The following STPG2 variants were observed in gnomAD, a reference collection of about 807,000 sequenced individuals.
STPG2 encodes the protein sperm tail PG-rich repeat containing 2.
STPG2 carries 56 observed loss-of-function variants against 54.2 expected under a neutral mutation model. The ratio of observed to expected loss-of-function variants is 1.03; its 90% CI spans 0.83 to 1.29. The LOEUF is 1.29. STPG2 is among the 50% of genes most tolerant of loss of function. The pLI is 0.00. For missense variants in STPG2, 596 were observed against 544.9 expected (o/e 1.09, Z -0.93); for synonymous variants, 200 against 181.8 (o/e 1.10, Z -0.81).
intron 4 of STPG2, among the ~76,000 whole-genome samples, chr4:97,507,864 A>G (rs1730886130): frequency 6.6e-6 from 1 of 152,064 alleles, no homozygotes; most frequent in Non-Finnish European, 1.5e-5. Context: ...CCAATCAGGA[A>G]GCTCCACTGG....
At chr4:97,744,513 G>T (rs1243850247) in intron 9 of STPG2, among the ~76,000 whole-genome samples, 1 of 151,018 alleles carries the variant, frequency 6.6e-6, no homozygotes, top group Non-Finnish European at 1.5e-5. Context: ...AATTGGTTTT[G>T]CTTACTATTA....
chr4:97,945,554 A>AC (rs112099472), intron 7 of STPG2, among the ~76,000 whole-genome samples: 4,423 of 152,098 alleles, frequency 0.029, 217 homozygotes, highest in African/African-American at 0.1. Flanking sequence ...GTATTGACTT[A>AC]TTTTCCATTG....
chr4:97,795,504 T>C (rs750265891), intron 9 of STPG2, among the ~76,000 whole-genome samples: 79 of 152,350 alleles, frequency 5.2e-4, no homozygotes, highest in South Asian at 8.3e-4. Flanking sequence ...GCTTCATCCA[T>C]GTCCCTACAA....
chr4:98,016,527 G>C (rs1290449051), intron 5 of STPG2, among the ~76,000 whole-genome samples: 1 of 152,016 alleles, frequency 6.6e-6, no homozygotes, highest in Non-Finnish European at 1.5e-5. Context: ...TCTCCTGCTA[G>C]ATCAAGTCTG....
intron 10 of STPG2, among the ~76,000 whole-genome samples, chr4:97,592,430 TCA>T (rs1011512410): frequency 2.0e-5 from 3 of 152,194 alleles, no homozygotes; most frequent in African/African-American, 7.2e-5. Context: ...AGTAATTAAT[TCA>T]CACATATAAA....
At chr4:97,875,992 T>A (rs1336909597) in intron 8 of STPG2, among the ~76,000 whole-genome samples, 2 of 151,682 alleles carry the variant, frequency 1.3e-5, no homozygotes, top group Non-Finnish European at 2.9e-5. Flanking sequence ...AAGGGAAAAA[T>A]TTCAGGAAAA....
At chr4:98,005,388 A>AT (rs1417082636) in intron 5 of STPG2, among the ~76,000 whole-genome samples, 1 of 152,180 alleles carries the variant, frequency 6.6e-6, no homozygotes, top group Non-Finnish European at 1.5e-5. Context: ...ACATGCTCTA[A>AT]AGAACAAACA....
rs183524779 is a variant in STPG2 at position 98,021,551 on chromosome 4, A to G, written c.613-40233T>C. Among the ~76,000 whole-genome samples the G allele has an allele frequency of 5.2e-3, 794 of 152,204 alleles. 4 individuals are homozygous for G. Among genetic ancestry groups the G allele is most frequent in the Middle Eastern group, 0.02 (6 of 294 alleles). ...ATTAGGTCTGCTTGGTGCAGAGCTG[A>G]GTTTAATTCCTGGGTATCCTTGTTA... On this transcript the variant is annotated intron_variant, in intron 5 of 10. Coordinates refer to ENST00000295268, the MANE Select transcript of STPG2 (RefSeq NM_174952.3).
chr4:97,883,568 T>C (rs1730455584), intron 8 of STPG2, among the ~76,000 whole-genome samples: 1 of 151,964 alleles, frequency 6.6e-6, no homozygotes, highest in African/African-American at 2.4e-5. Flanking sequence ...CATGAAATTA[T>C]AAACAAAACA....
At chr4:97,704,800 T>C (rs188094192) in intron 10 of STPG2, among the ~76,000 whole-genome samples, 23 of 152,338 alleles carry the variant, frequency 1.5e-4, no homozygotes, top group South Asian at 4.1e-4. Flanking sequence ...TTCTAAAATA[T>C]ATTTCATAGC....
chr4:97,773,859 A>G (rs1179051370), intron 9 of STPG2, among the ~76,000 whole-genome samples: 1 of 152,150 alleles, frequency 6.6e-6, no homozygotes, highest in African/African-American at 2.4e-5. Context: ...ACTATTAAAA[A>G]TATCAGAAAG....
chr4:97,559,869 A>C (rs950115615), intron 10 of STPG2, among the ~76,000 whole-genome samples: 1 of 152,204 alleles, frequency 6.6e-6, no homozygotes, highest in African/African-American at 2.4e-5. Context: ...ACAAATATTT[A>C]ATAAATATAT....
chr4:98,057,014 G>T (rs1290583038), intron 5 of STPG2, among the ~76,000 whole-genome samples: 1 of 152,132 alleles, frequency 6.6e-6, no homozygotes, highest in Admixed American at 6.5e-5. Flanking sequence ...ACCAGTCTCA[G>T]GTAGTTCTTT....
chr4:98,103,338 T>A (rs1739099097), intron 5 of STPG2, among the ~76,000 whole-genome samples: 2 of 152,034 alleles, frequency 1.3e-5, no homozygotes, highest in South Asian at 4.1e-4. Context: ...ATCATGACCA[T>A]CTTTCTATAA....
intron 9 of STPG2, among the ~76,000 whole-genome samples, chr4:97,803,833 G>A (rs544107177): frequency 2.0e-5 from 3 of 152,254 alleles, no homozygotes; most frequent in African/African-American, 7.2e-5. Context: ...GAGCCACCAC[G>A]CCTGGCCAGA....
chr4:97,890,561 A>T (rs1263336896), intron 8 of STPG2, among the ~76,000 whole-genome samples: 1 of 151,968 alleles, frequency 6.6e-6, no homozygotes, highest in African/African-American at 2.4e-5. Flanking sequence ...ACTGAAGAGA[A>T]GTTGGTGACG....
intron 9 of STPG2, among the ~76,000 whole-genome samples, chr4:97,808,241 C>T (rs993837983): frequency 6.6e-6 from 1 of 151,922 alleles, no homozygotes; most frequent in Non-Finnish European, 1.5e-5. Flanking sequence ...TGACAATTGA[C>T]TGCCTATACA....
chr4:97,472,562 TGA>T (rs1468741682), intron 4 of STPG2, among the ~76,000 whole-genome samples: 1 of 152,182 alleles, frequency 6.6e-6, no homozygotes, highest in Non-Finnish European at 1.5e-5. Flanking sequence ...TGCCAAAACT[TGA>T]AAGCAACCAA....
intron 5 of STPG2, among the ~76,000 whole-genome samples, chr4:98,057,786 T>A (rs1206375982): frequency 1.3e-5 from 2 of 152,022 alleles, no homozygotes; most frequent in Non-Finnish European, 2.9e-5. Context: ...AAAGAAAGAA[T>A]GTTAAAGGCA....
Sources: gnomAD v4.1 joint callset for allele counts (sites outside exome capture counted in the v4.1 genomes callset) on GRCh38, gnomAD v4.1.1 for gene constraint, MANE v1.5 for transcripts, NCBI Gene and HGNC (gene_info 2026-07-23, HGNC 2026-07-21) for gene names.